Variants in SLC14A2 observed in about 807,000 individuals in gnomAD.
SLC14A2 encodes the protein urea transporter 2.
Under a neutral mutation model 104.6 loss-of-function variants are expected in SLC14A2, and 91 were observed. The ratio of observed to expected loss-of-function variants is 0.87; its 90% CI spans 0.73 to 1.04. SLC14A2 has a LOEUF of 1.04. Among genes scored for constraint, SLC14A2 ranks in the 50% least tolerant of loss-of-function variants. The probability of loss-of-function intolerance (pLI) is 0.00; values close to 1 mark genes in which losing one functional copy is unlikely to be tolerated. For synonymous variants in SLC14A2, 476 were observed against 466.4 expected (o/e 1.02, Z -0.27); for missense variants, 1,189 against 1,156.0 (o/e 1.03, Z -0.41).
chr18:45,396,596 T>C (rs1266852859), intron 1 of SLC14A2, among the ~76,000 whole-genome samples: 1 of 152,000 alleles, frequency 6.6e-6, no homozygotes, highest in Non-Finnish European at 1.5e-5. Flanking sequence ...AAGTAATGAA[T>C]ACAGCTTGGG....
chr18:45,632,200 C>T, intron 4 of SLC14A2, 150 bp from the exon 5 acceptor site: 1 of 787,316 alleles, frequency 1.3e-6, no homozygotes, highest in Non-Finnish European at 2.0e-6. Flanking sequence ...AGCTATGTGA[C>T]TGCCCAATAT....
Position 45,463,871 on chromosome 18 carries a change from C to G in SLC14A2, c.-124-19362C>G, listed in dbSNP as rs116761761. 5.3e-5 allele frequency among the ~76,000 whole-genome samples: 8 copies of G among 152,248 alleles called. No homozygotes were observed. The South Asian group carries it at 1.0e-3, about 20-fold the overall frequency. On this transcript the variant is annotated intron_variant, in intron 1 of 20. Transcript: ENST00000586448. ...GCACTTTATGACAGGGCTTTGCCTC[C>G]GTATTGATGAAAGCAGTGTCCCTGC...
At chr18:45,424,060 G>T (rs2086387332) in intron 1 of SLC14A2, 1 of 152,222 alleles carries the variant, frequency 6.6e-6, no homozygotes. Context: ...CTGGCTTCTG[G>T]AGAGGTCCCT....
In SLC14A2 at chr18:45,682,187, G is replaced by A. The variant is rs1367014819; in HGVS notation, c.2563-132G>A. 4 of 761,474 alleles carry A rather than the reference G, an allele frequency of 5.3e-6. No homozygotes were observed. The Admixed American group carries it at 5.9e-5, about 11-fold the overall frequency. 47.2% of individuals were successfully genotyped at this position (761,474 alleles called of 1,614,324 possible). A position where few individuals can be genotyped will look rare whatever the true frequency, so the allele number is the denominator to read the frequency against. ...GCACTGGCATGATTTTATTTATATT[G>A]GTCATCAATGAAGTATCAATGCCCT... is the stretch of plus-strand genomic sequence containing the variant. On this transcript the variant is annotated intron_variant, in intron 19 of 19. Coordinates refer to ENST00000255226, the MANE Select transcript of SLC14A2 (RefSeq NM_007163.4).
At chr18:45,319,729 A>T (rs2085166158) in intron 1 of SLC14A2, among the ~76,000 whole-genome samples, 1 of 152,208 alleles carries the variant, frequency 6.6e-6, no homozygotes, top group Admixed American at 6.5e-5. Context: ...AACATACTTG[A>T]TCTGCAGTTG....
upstream of SLC14A2, chr18:45,615,007 G>A (rs1244940820): frequency 6.6e-6 from 1 of 152,204 alleles, no homozygotes; most frequent in African/African-American, 2.4e-5. Context: ...ACATTGGCCA[G>A]GCTGGTCTCG....
chr18:45,342,379 G>C (rs539904735), intron 1 of SLC14A2, among the ~76,000 whole-genome samples: 1 of 152,160 alleles, frequency 6.6e-6, no homozygotes, highest in Non-Finnish European at 1.5e-5. Context: ...GGAACAGCAG[G>C]GGGATTCCTT....
At chr18:45,539,982 C>G (rs1047387074) in intron 2 of SLC14A2, among the ~76,000 whole-genome samples, 4 of 151,698 alleles carry the variant, frequency 2.6e-5, no homozygotes, top group African/African-American at 9.7e-5. Flanking sequence ...GTCAAAAATA[C>G]GGGGTGCTGA....
intron 6 of SLC14A2, among the ~76,000 whole-genome samples, chr18:45,639,196 G>A (rs1041034366): frequency 3.3e-5 from 5 of 152,194 alleles, no homozygotes; most frequent in African/African-American, 7.2e-5. Context: ...GGCAGGGGCC[G>A]CCAAAGAGGA....
At chr18:45,593,814 G>A (rs2044686436) in intron 2 of SLC14A2, among the ~76,000 whole-genome samples, 1 of 152,134 alleles carries the variant, frequency 6.6e-6, no homozygotes, top group African/African-American at 2.4e-5. Flanking sequence ...TACCTAAAGG[G>A]TGAATAAAAG....
At chr18:45,494,603 T>G (rs1000229621) in intron 2 of SLC14A2, among the ~76,000 whole-genome samples, 4 of 151,862 alleles carry the variant, frequency 2.6e-5, no homozygotes, top group African/African-American at 9.7e-5. Context: ...GGTCTCACCA[T>G]GTTGGCCAGG....
chr18:45,418,854 G>A (rs187235718), intron 1 of SLC14A2, among the ~76,000 whole-genome samples: 11 of 152,104 alleles, frequency 7.2e-5, no homozygotes, highest in Non-Finnish European at 4.4e-5. Flanking sequence ...GAAAAAAAAG[G>A]CATCTCCATT....
At chr18:45,435,771 A>G (rs1419552120) in intron 1 of SLC14A2, among the ~76,000 whole-genome samples, 1 of 152,238 alleles carries the variant, frequency 6.6e-6, no homozygotes, top group African/African-American at 2.4e-5. Context: ...TAGGGTGAAG[A>G]TACAAAAAGC....
At chr18:45,492,870 T>C (rs960659795) in intron 2 of SLC14A2, among the ~76,000 whole-genome samples, 1 of 152,220 alleles carries the variant, frequency 6.6e-6, no homozygotes, top group Non-Finnish European at 1.5e-5. Context: ...CTCACCTTGT[T>C]CATTGCTTCA....
rs770453484 is a variant in SLC14A2, at chr18:45,667,904, C to T, written c.1789C>T (p.Pro597Ser). The T allele has an allele frequency of 3.1e-6, 5 of 1,614,092 alleles. No individual in the cohort carries two copies. The highest frequency in any genetic ancestry group is 4.2e-6 in the Non-Finnish European group (5 of 1,179,972). Residue 597 changes from proline (P) to serine (S), a missense_variant, in exon 14 of 20, where the codon CCC (proline) becomes TCC (serine). Physicochemically the swap from Pro to Ser is moderately conservative, Grantham distance 74. Transcript: ENST00000255226. Reference protein sequence around the residue: ...GTSQVMFVNNPLSGILIILGL... With the variant: ...GTSQVMFVNNSLSGILIILGL... Reference sequence around the variant, plus strand: ...ATCTCAAGTGATGTTTGTGAACAACCCCCTCAGCGGCATCCTCATCATCCT... The same window carrying T: ...ATCTCAAGTGATGTTTGTGAACAACTCCCTCAGCGGCATCCTCATCATCCT...
Position 45,403,299 on chromosome 18 carries a change from A to G in SLC14A2, c.-124-79934A>G, listed in dbSNP as rs544127651. Reference sequence around the variant, plus strand: ...CATTAATTACCTCCTTAAAGGCTCTATCTTCAGATACAGTCACACTGGGGA... The same window carrying G: ...CATTAATTACCTCCTTAAAGGCTCTGTCTTCAGATACAGTCACACTGGGGA... On this transcript the variant is annotated intron_variant, in intron 1 of 20. Coordinates refer to the SLC14A2 transcript ENST00000586448. 6.6e-4 allele frequency among the ~76,000 whole-genome samples: 100 copies of G among 152,302 alleles called. 4 individuals are homozygous for G. In the South Asian group the frequency reaches 0.013, roughly 20 times the overall value.
At chr18:45,453,088 G>A (rs1334883200) in intron 1 of SLC14A2, among the ~76,000 whole-genome samples, 2 of 152,154 alleles carry the variant, frequency 1.3e-5, no homozygotes, top group Non-Finnish European at 2.9e-5. Flanking sequence ...AGTCAAACCA[G>A]GACCTAGATC....
intron 1 of SLC14A2, among the ~76,000 whole-genome samples, chr18:45,467,220 G>C (rs1415527621): frequency 6.6e-6 from 1 of 152,206 alleles, no homozygotes; most frequent in Non-Finnish European, 1.5e-5. Flanking sequence ...TCCAGCAGTA[G>C]AAGGTAATTT....
intron 1 of SLC14A2, among the ~76,000 whole-genome samples, chr18:45,262,486 G>A (rs1327528676): frequency 1.3e-5 from 2 of 152,218 alleles, no homozygotes; most frequent in Non-Finnish European, 2.9e-5. Flanking sequence ...CTCTCATTGT[G>A]TGCTTTGAGC....
Sources: allele counts gnomAD v4.1 joint callset (sites outside exome capture counted in the v4.1 genomes callset), GRCh38; gene constraint gnomAD v4.1.1; transcripts MANE v1.5; gene names NCBI Gene and HGNC (gene_info 2026-07-23, HGNC 2026-07-21).